Variants in EML4 observed in about 807,000 individuals in gnomAD.
The protein encoded by EML4 is EMAP like 4, also known as echinoderm microtubule-associated protein-like 4.
A neutral mutation model predicts 129.0 loss-of-function variants in EML4; 72 were observed. The ratio of observed to expected loss-of-function variants is 0.56; its 90% CI spans 0.46 to 0.68. The LOEUF is 0.68. Ranked by LOEUF, EML4 falls within the 30% of genes least tolerant of loss-of-function variation. EML4 has a pLI of 0.00. For missense variants in EML4, 1,363 were observed against 1,190.6 expected (o/e 1.14, Z -2.13); for synonymous variants, 532 against 405.0 (o/e 1.31, Z -3.77).
At chr2:42,201,727 A>G (rs959349949) in intron 1 of EML4, among the ~76,000 whole-genome samples, 22 of 152,226 alleles carry the variant, frequency 1.4e-4, no homozygotes, top group Non-Finnish European at 3.1e-4. Flanking sequence ...CCAGGCACAC[A>G]GAGACACATA....
At chr2:42,250,471 A>G (rs1675697628) in intron 2 of EML4, among the ~76,000 whole-genome samples, 1 of 152,186 alleles carries the variant, frequency 6.6e-6, no homozygotes, top group Non-Finnish European at 1.5e-5. Flanking sequence ...CTTACGCTAA[A>G]ATGACTAGTA....
At chr2:42,282,716 T>C (rs1667078754) in intron 7 of EML4, 107 bp from the exon 8 acceptor site, 1 of 990,726 alleles carries the variant, frequency 1.0e-6, no homozygotes, top group African/African-American at 1.6e-5. Context: ...CTAGTTCTAG[T>C]TCAGTCTTCT....
At chr2:42,314,135 G>T (rs552271750) in intron 17 of EML4, among the ~76,000 whole-genome samples, 4 of 152,250 alleles carry the variant, frequency 2.6e-5, no homozygotes, top group African/African-American at 9.6e-5. Context: ...GAGGCGGGCA[G>T]ATCACCTGAG....
chr2:42,246,131 AAAAAATT>A (rs1378277421), intron 2 of EML4, among the ~76,000 whole-genome samples: 1 of 152,190 alleles, frequency 6.6e-6, no homozygotes, highest in Non-Finnish European at 1.5e-5. Flanking sequence ...CAGAATCCTG[AAAAAATT>A]AATTTAAGCT....
At chr2:42,301,472 T>G (rs1026042203) in intron 14 of EML4, 80 bp downstream of exon 14, 1 of 1,129,186 alleles carries the variant, frequency 8.9e-7, no homozygotes, top group African/African-American at 1.6e-5. Flanking sequence ...AACTTATACT[T>G]TTCTGGCAAA....
chr2:42,219,517 A>AT (rs1274013394), intron 1 of EML4, among the ~76,000 whole-genome samples: 1 of 152,162 alleles, frequency 6.6e-6, no homozygotes, highest in Non-Finnish European at 1.5e-5. Context: ...TTTCTTTTAG[A>AT]TTTTCATAGA....
At chr2:42,285,139 G>A (rs1667219418) in intron 9 of EML4, among the ~76,000 whole-genome samples, 1 of 151,884 alleles carries the variant, frequency 6.6e-6, no homozygotes, top group African/African-American at 2.4e-5. Context: ...AAACTCCTGG[G>A]CTCAAGTGAT....
In EML4 at chr2:42,280,839, T is replaced by G. The variant is rs1250627171; in HGVS notation, c.668-11T>G. On this transcript the variant is annotated splice_polypyrimidine_tract_variant and intron_variant, in intron 6 of 22. Transcript: ENST00000318522. ...TACGTATGACTTAACTTTTGTCTTG[T>G]GTTTCAACAGAAGGAGAATATATTA... The G allele has an allele frequency of 6.3e-7, 1 of 1,599,242 alleles. No homozygotes were observed. The highest frequency in any genetic ancestry group is 2.2e-5 in the East Asian group (1 of 44,784).
At chr2:42,309,431 CAAAA>C (rs34837271) in intron 17 of EML4, among the ~76,000 whole-genome samples, 222 of 107,408 alleles carry the variant, frequency 2.1e-3, no homozygotes, top group African/African-American at 7.0e-3. Flanking sequence ...ACAACCACCA[CAAAA>C]AAAAAAAAAA....
rs192123934 is a variant in EML4, at chr2:42,314,156, C to T, written c.1968-1806C>T. Reference sequence around the variant, plus strand: ...GGCAGATCACCTGAGGTCAGGAGTTCGAGACCAGCCTGGCCAACATGGTAA... The same window carrying T: ...GGCAGATCACCTGAGGTCAGGAGTTTGAGACCAGCCTGGCCAACATGGTAA... On this transcript the variant is annotated intron_variant, in intron 17 of 22. Coordinates refer to ENST00000318522, the MANE Select transcript of EML4 (RefSeq NM_019063.5). 4.2e-3 allele frequency among the ~76,000 whole-genome samples: 643 copies of T among 152,158 alleles called. 1 individual carries two copies. Among genetic ancestry groups the T allele is most frequent in the African/African-American group, 0.015 (611 of 41,538 alleles).
chr2:42,249,246 A>T (rs1675612926), intron 2 of EML4, among the ~76,000 whole-genome samples: 1 of 151,960 alleles, frequency 6.6e-6, no homozygotes. Context: ...TTTTTCTTTA[A>T]TTAAAAAGTA....
rs549541939 is a variant in EML4 at position 42,316,469 on chromosome 2, T to C, written c.2056+419T>C. 7.2e-5 allele frequency among the ~76,000 whole-genome samples: 11 copies of C among 152,382 alleles called. No homozygotes were observed. The South Asian group carries it at 2.3e-3, about 32-fold the overall frequency. ...AATTGTATAGGCCCTTCAAGTCCTT[T>C]AGAATCTAGTGCATTGTTTCGGTTA... On this transcript the variant is annotated intron_variant, in intron 18 of 22. Transcript: ENST00000318522.
intron 13 of EML4, among the ~76,000 whole-genome samples, chr2:42,296,710 A>T (rs116771623): frequency 2.0e-5 from 3 of 152,160 alleles, no homozygotes; most frequent in South Asian, 2.1e-4. Context: ...TTGGGTGTCA[A>T]TGTAGGAGTA....
At chr2:42,217,603 T>C (rs1173381674) in intron 1 of EML4, among the ~76,000 whole-genome samples, 1 of 152,256 alleles carries the variant, frequency 6.6e-6, no homozygotes, top group Non-Finnish European at 1.5e-5. Flanking sequence ...TGTGGAATAC[T>C]GTACCCATGA....
At chr2:42,281,026 A>G in intron 7 of EML4, 53 bp downstream of exon 7, 1 of 1,395,564 alleles carries the variant, frequency 7.2e-7, no homozygotes, top group Non-Finnish European at 9.7e-7. Context: ...CTAGTTAACA[A>G]ATCAGTTAAC....
intron 9 of EML4, among the ~76,000 whole-genome samples, chr2:42,285,622 G>A (rs577300993): frequency 4.1e-5 from 6 of 146,838 alleles, no homozygotes; most frequent in Admixed American, 6.8e-5. Flanking sequence ...TTTTTGAGAC[G>A]GAGTCTTGCT....
rs1352007515 is a variant in EML4 at position 42,301,259 on chromosome 2, A to G, written c.1508A>G (p.Lys503Arg). The G allele has an allele frequency of 6.2e-7, 1 of 1,612,254 alleles. No individual in the cohort carries two copies. The change falls in exon 14 of 23, where the codon AAA becomes AGA. Residue 503 changes from lysine (K) to arginine (R), a missense_variant. Lys to Arg is a conservative substitution (Grantham distance 26, BLOSUM62 2). Coordinates refer to ENST00000318522, the MANE Select transcript of EML4 (RefSeq NM_019063.5). ...KGPKGVYQIS[K>R]QIKAHDGSVF... ...ATATTAGGTGTATATCAAATCAGCAAACAAATCAAAGCTCATGATGGCAGT... is the reference window on the plus strand; with the variant it reads ...ATATTAGGTGTATATCAAATCAGCAGACAAATCAAAGCTCATGATGGCAGT...
chr2:42,273,675 G>C (rs940573655), intron 6 of EML4, among the ~76,000 whole-genome samples: 1 of 141,402 alleles, frequency 7.1e-6, no homozygotes, highest in Non-Finnish European at 1.6e-5. Context: ...TTTGTACTTA[G>C]TCAGATTTTT....
intron 11 of EML4, chr2:42,288,590 C>G (rs1400936659): frequency 4.9e-6 from 1 of 202,920 alleles, no homozygotes; most frequent in Non-Finnish European, 9.9e-6. Flanking sequence ...GATGTGTGAT[C>G]TCATAATTAA....
Sources: allele counts gnomAD v4.1 joint callset (sites outside exome capture counted in the v4.1 genomes callset), GRCh38; gene constraint gnomAD v4.1.1; transcripts MANE v1.5; gene names NCBI Gene and HGNC (gene_info 2026-07-23, HGNC 2026-07-21).